Variants in SDCCAG8 observed in about 807,000 individuals in gnomAD.
SDCCAG8 encodes the protein SHH signaling and ciliogenesis regulator SDCCAG8.
In SDCCAG8, 74 loss-of-function variants were observed where a neutral mutation model predicts 101.8. The ratio of observed to expected loss-of-function variants is 0.73; its 90% CI spans 0.60 to 0.88. SDCCAG8 has a LOEUF of 0.88. SDCCAG8 is among the 40% of genes least tolerant of loss of function. The pLI is 0.00. For synonymous variants in SDCCAG8, 281 were observed against 292.9 expected, an observed-to-expected ratio of 0.96 and a Z score of 0.41; for missense variants, 787 against 822.6, an observed-to-expected ratio of 0.96 and a Z score of 0.53.
At chr1:243,439,469 CA>C (rs1213893664) in intron 16 of SDCCAG8, among the ~76,000 whole-genome samples, 1 of 152,016 alleles carries the variant, frequency 6.6e-6, no homozygotes, top group African/African-American at 2.4e-5. Flanking sequence ...ACTAAAAATA[CA>C]AAAAATTAAC....
chr1:243,467,376 T>A (rs1304006787), intron 16 of SDCCAG8, among the ~76,000 whole-genome samples: 1 of 152,184 alleles, frequency 6.6e-6, no homozygotes, highest in Non-Finnish European at 1.5e-5. Context: ...TCCAGTCAGA[T>A]AAAGGAGACA....
intron 16 of SDCCAG8, among the ~76,000 whole-genome samples, chr1:243,472,684 A>G (rs538168584): frequency 6.6e-6 from 1 of 152,318 alleles, no homozygotes; most frequent in East Asian, 1.9e-4. Flanking sequence ...CTGTGGAACA[A>G]TGCAAAGGCT....
chr1:243,288,393 G>T (rs1359658410), intron 5 of SDCCAG8, among the ~76,000 whole-genome samples: 1 of 151,958 alleles, frequency 6.6e-6, no homozygotes. Context: ...AGGATCCCAG[G>T]AGGTCAAGGC....
intron 1 of SDCCAG8, among the ~76,000 whole-genome samples, chr1:243,268,797 A>C (rs985092715): frequency 6.6e-6 from 1 of 152,246 alleles, no homozygotes; most frequent in African/African-American, 2.4e-5. Flanking sequence ...ATATGTTTAT[A>C]AATGTATTTT....
chr1:243,394,144 T>C (rs1427226058), intron 13 of SDCCAG8, among the ~76,000 whole-genome samples: 1 of 152,218 alleles, frequency 6.6e-6, no homozygotes, highest in Non-Finnish European at 1.5e-5. Context: ...AACTTGTCTA[T>C]TTCTTTTTTT....
chr1:243,386,768 T>TGAGAGAGAGAGAGAGAGA lies in SDCCAG8; in HGVS notation c.1616+7910_1616+7927dup, dbSNP rs112662776. Among the ~76,000 whole-genome samples, 130 of 143,468 alleles carry TGAGAGAGAGAGAGAGAGA rather than the reference T, an allele frequency of 9.1e-4. 1 individual carries two copies. The highest frequency in any genetic ancestry group is 2.5e-3 in the African/African-American group (98 of 39,452). The allele number at this position is 143,468 out of a possible 152,430, so 94.1% of individuals were successfully genotyped here. On this transcript the variant is annotated intron_variant, in intron 13 of 17. Transcript: ENST00000366541. ...ACTCCATCTCAAAAAAGAAAGAAAG[T>TGAGAGAGAGAGAGAGAGA]GAGAGAGAGAGAGAGAGAGAGAAAG...
chr1:243,484,921 A>G (rs897946324), intron 16 of SDCCAG8, among the ~76,000 whole-genome samples: 4 of 152,070 alleles, frequency 2.6e-5, no homozygotes, highest in South Asian at 2.1e-4. Context: ...GTGCGCGCCT[A>G]TAGTCCCAGC....
intron 1 of SDCCAG8, among the ~76,000 whole-genome samples, chr1:243,265,020 C>T (rs1325074604): frequency 2.0e-5 from 3 of 152,148 alleles, no homozygotes; most frequent in African/African-American, 4.8e-5. Flanking sequence ...ATGTAAGGAG[C>T]AGATAACTGC....
chr1:243,378,981 G>A, intron 13 of SDCCAG8, 118 bp downstream of exon 13: 3 of 1,334,364 alleles, frequency 2.2e-6, no homozygotes, highest in Non-Finnish European at 3.2e-6. Context: ...TTAGCTTTCA[G>A]GCATATTAAG....
chr1:243,417,885 A>T, intron 14 of SDCCAG8, 83 bp from the exon 15 acceptor site: 1 of 971,874 alleles, frequency 1.0e-6, no homozygotes, highest in Non-Finnish European at 1.7e-6. Flanking sequence ...GGGTCTAAGC[A>T]CTTTACCACT....
intron 7 of SDCCAG8, among the ~76,000 whole-genome samples, chr1:243,306,704 C>T (rs1419169457): frequency 2.0e-5 from 3 of 152,080 alleles, no homozygotes; most frequent in South Asian, 2.1e-4. Context: ...GTCAGACATT[C>T]CCTACATGAT....
At chr1:243,459,959 A>G (rs1209765872) in intron 16 of SDCCAG8, among the ~76,000 whole-genome samples, 1 of 152,182 alleles carries the variant, frequency 6.6e-6, no homozygotes, top group African/African-American at 2.4e-5. Flanking sequence ...GTGACGTGGT[A>G]ATTCCAAGCT....
At chr1:243,318,723 A>G (rs1051848275) in intron 9 of SDCCAG8, among the ~76,000 whole-genome samples, 1 of 152,048 alleles carries the variant, frequency 6.6e-6, no homozygotes, top group African/African-American at 2.4e-5. Context: ...CTGTCCCTCA[A>G]TGCCATGTTT....
intron 16 of SDCCAG8, among the ~76,000 whole-genome samples, chr1:243,483,909 C>A (rs1022175903): frequency 1.3e-5 from 2 of 152,172 alleles, no homozygotes; most frequent in East Asian, 3.9e-4. Flanking sequence ...GCCCGGAGAG[C>A]TGCATTTTTA....
At chr1:243,398,062 A>G (rs1353685468) in intron 13 of SDCCAG8, among the ~76,000 whole-genome samples, 3 of 152,238 alleles carry the variant, frequency 2.0e-5, no homozygotes, top group Non-Finnish European at 4.4e-5. Flanking sequence ...GGGAAAAATG[A>G]TGACAATGCA....
intron 12 of SDCCAG8, among the ~76,000 whole-genome samples, chr1:243,352,604 G>A (rs2076140069): frequency 6.6e-6 from 1 of 152,062 alleles, no homozygotes; most frequent in African/African-American, 2.4e-5. Context: ...CTTTCTTTTT[G>A]TTTATAGTCC....
intron 1 of SDCCAG8, among the ~76,000 whole-genome samples, chr1:243,268,503 G>C (rs1035128026): frequency 6.6e-6 from 1 of 152,336 alleles, no homozygotes; most frequent in South Asian, 2.1e-4. Context: ...AGAAAGATCT[G>C]TGTGGACATA....
At chr1:243,407,403 A>T (rs2079862123) in intron 13 of SDCCAG8, among the ~76,000 whole-genome samples, 1 of 152,214 alleles carries the variant, frequency 6.6e-6, no homozygotes, top group Non-Finnish European at 1.5e-5. Flanking sequence ...GTTATGAAGA[A>T]TAGAGAGGTC....
At chr1:243,480,802 A>G (rs1574303609) in intron 16 of SDCCAG8, among the ~76,000 whole-genome samples, 1 of 100,872 alleles carries the variant, frequency 9.9e-6, no homozygotes, top group Non-Finnish European at 2.0e-5. Context: ...GGATGGATGG[A>G]TGGATGGATG....
Sources: gnomAD v4.1 joint callset for allele counts (sites outside exome capture counted in the v4.1 genomes callset) on GRCh38, gnomAD v4.1.1 for gene constraint, MANE v1.5 for transcripts, NCBI Gene and HGNC (gene_info 2026-07-23, HGNC 2026-07-21) for gene names.